The following CACHD1 variants were observed in gnomAD, a reference collection of about 807,000 sequenced individuals.
CACHD1 encodes VWFA and cache domain-containing protein 1.
A neutral mutation model predicts 138.7 loss-of-function variants in CACHD1; 71 were observed. The observed-to-expected ratio is 0.51, with a 90% confidence interval of 0.42 to 0.62. The LOEUF (loss-of-function observed/expected upper bound fraction) is 0.62, where lower values mean the gene tolerates loss of function less well. Among genes scored for constraint, CACHD1 ranks in the 20% least tolerant of loss-of-function variants. The pLI, the probability that CACHD1 is intolerant of heterozygous loss-of-function variation, is 0.00. For synonymous variants in CACHD1, 578 were observed against 591.5 expected (o/e 0.98, Z 0.33); for missense variants, 1,389 against 1,625.3 (o/e 0.85, Z 2.50).
chr1:64,662,402 C>G (rs756421791), intron 13 of CACHD1, among the ~76,000 whole-genome samples: 16 of 152,158 alleles, frequency 1.1e-4, no homozygotes, highest in Admixed American at 3.9e-4. Flanking sequence ...TCCAACACCC[C>G]ACCTGCTACA....
chr1:64,652,226 G>A lies in CACHD1; in HGVS notation c.1456G>A (p.Asp486Asn), dbSNP rs777839618. The A allele has an allele frequency of 2.5e-6, 4 of 1,613,744 alleles. No homozygotes were observed. The highest frequency in any genetic ancestry group is 2.5e-6 in the Non-Finnish European group (3 of 1,179,726). ...GNLLLGIVGV[D>N]VNLAYILEDV... ...CCTACTTCTGGGAATTGTAGGTGTG[G>A]ACGTGAATCTGGCTTACATTCTTGA... Residue 486 changes from aspartate to asparagine, a missense_variant, in exon 10 of 27, where the codon GAC becomes AAC. By Grantham distance (23) the Asp-to-Asn change is conservative (BLOSUM62 1). Coordinates refer to ENST00000651257, the MANE Select transcript of CACHD1 (RefSeq NM_020925.4).
At chr1:64,630,318 C>G (rs1374131046) in intron 5 of CACHD1, among the ~76,000 whole-genome samples, 4 of 145,238 alleles carry the variant, frequency 2.8e-5, no homozygotes, top group Non-Finnish European at 6.0e-5. Flanking sequence ...TTTTTTTTTC[C>G]TGAGATGGAG....
At chr1:64,623,217 C>T (rs1002782698) in intron 4 of CACHD1, among the ~76,000 whole-genome samples, 3 of 152,078 alleles carry the variant, frequency 2.0e-5, no homozygotes, top group African/African-American at 7.2e-5. Flanking sequence ...GCCTGGCCAA[C>T]ATGGTGAAAC....
At chr1:64,673,100 G>C (rs12069218) in intron 17 of CACHD1, 58 bp from the exon 18 acceptor site, 2 of 1,299,292 alleles carry the variant, frequency 1.5e-6, no homozygotes, top group Non-Finnish European at 2.2e-6. Flanking sequence ...CTCTGAATAC[G>C]TTTGAAAAAA....
intron 1 of CACHD1, among the ~76,000 whole-genome samples, chr1:64,524,037 A>G (rs1458102512): frequency 6.6e-6 from 1 of 152,130 alleles, no homozygotes; most frequent in Non-Finnish European, 1.5e-5. Context: ...ACAAAAAAAA[A>G]AGAGACACCA....
chr1:64,681,541 G>GTTTTTTTTTTTTTTTTTTTTTTTTTTTTT (rs57993424), intron 25 of CACHD1, among the ~76,000 whole-genome samples: 1 of 68,132 alleles, frequency 1.5e-5, no homozygotes, highest in African/African-American at 7.3e-5. Flanking sequence ...ATTTTATTGT[G>GTTTTTTTTTTTTTTTTTTTTTTTTTTTTT]TTTTTTTTTT....
intron 2 of CACHD1, among the ~76,000 whole-genome samples, chr1:64,565,517 TC>T (rs1236585827): frequency 5.9e-5 from 9 of 152,258 alleles, no homozygotes; most frequent in African/African-American, 2.2e-4. Flanking sequence ...TCAATCTCTG[TC>T]CGTCTTAGCT....
At chr1:64,540,405 CT>C (rs1487224292) in intron 1 of CACHD1, among the ~76,000 whole-genome samples, 1 of 152,116 alleles carries the variant, frequency 6.6e-6, no homozygotes, top group East Asian at 1.9e-4. Context: ...GGCAACTCGA[CT>C]TTCCATTTCT....
At chr1:64,643,735 A>G (rs752541472) in intron 8 of CACHD1, among the ~76,000 whole-genome samples, 17 of 152,236 alleles carry the variant, frequency 1.1e-4, no homozygotes, top group African/African-American at 2.2e-4. Flanking sequence ...CTACTCGGGA[A>G]GCTGAGGCAG....
intron 1 of CACHD1, among the ~76,000 whole-genome samples, chr1:64,474,076 A>C (rs1240499023): frequency 1.3e-5 from 2 of 152,214 alleles, no homozygotes; most frequent in Non-Finnish European, 2.9e-5. Flanking sequence ...ATAATGGACA[A>C]AATATATTTT....
intron 4 of CACHD1, among the ~76,000 whole-genome samples, chr1:64,619,093 G>A (rs1647817922): frequency 6.6e-6 from 1 of 152,146 alleles, no homozygotes; most frequent in African/African-American, 2.4e-5. Flanking sequence ...AGGAGTTTGG[G>A]GGACATGGTT....
At chr1:64,482,252 T>A (rs1470713364) in intron 1 of CACHD1, among the ~76,000 whole-genome samples, 8 of 152,334 alleles carry the variant, frequency 5.3e-5, no homozygotes, top group Non-Finnish European at 8.8e-5. Flanking sequence ...CATGGGATTT[T>A]TTTTTTCCCC....
intron 9 of CACHD1, among the ~76,000 whole-genome samples, chr1:64,650,515 T>A (rs1292008469): frequency 6.6e-6 from 1 of 152,234 alleles, no homozygotes; most frequent in Admixed American, 6.5e-5. Context: ...ATTCTAAATG[T>A]GAACTGCTTA....
At chr1:64,669,021 T>G (rs12039471) in intron 16 of CACHD1, among the ~76,000 whole-genome samples, 31,092 of 152,086 alleles carry the variant, frequency 0.2, 5,106 homozygotes, top group East Asian at 0.71. Context: ...CCTTTTCACC[T>G]TTGTTTCCCC....
rs562962249 is a variant in CACHD1, at chr1:64,471,201, C to T, written c.198+259C>T. 2.0e-5 allele frequency among the ~76,000 whole-genome samples: 3 copies of T among 152,320 alleles called. No individual in the cohort carries two copies. The East Asian group carries it at 5.8e-4, about 29-fold the overall frequency. ...GGAACCCACTTGACCCTGCACAGCC[C>T]CCCTCTTCTGAGTACCAGCGCCTTC... is the stretch of plus-strand genomic sequence containing the variant. On this transcript the variant is annotated intron_variant, in intron 1 of 26. Coordinates refer to ENST00000651257, the MANE Select transcript of CACHD1 (RefSeq NM_020925.4).
chr1:64,612,339 G>A (rs539527177), intron 4 of CACHD1, among the ~76,000 whole-genome samples: 4 of 152,186 alleles, frequency 2.6e-5, no homozygotes, highest in African/African-American at 9.6e-5. Flanking sequence ...CTATCATACT[G>A]TGAGATCACA....
chr1:64,627,592 C>G (rs186358222), intron 4 of CACHD1, among the ~76,000 whole-genome samples: 35 of 152,100 alleles, frequency 2.3e-4, no homozygotes, highest in Non-Finnish European at 4.0e-4. Flanking sequence ...CCTGAGTTCA[C>G]AGGGAACCAT....
chr1:64,519,740 CT>C (rs1290772766), intron 1 of CACHD1, among the ~76,000 whole-genome samples: 4 of 152,218 alleles, frequency 2.6e-5, no homozygotes, highest in African/African-American at 9.7e-5. Flanking sequence ...GAGTTTTTTT[CT>C]TTTAAAAAAT....
At chr1:64,621,167 C>G (rs1012630611) in intron 4 of CACHD1, among the ~76,000 whole-genome samples, 4 of 152,170 alleles carry the variant, frequency 2.6e-5, no homozygotes, top group African/African-American at 9.6e-5. Flanking sequence ...GAAAACACTT[C>G]CTCTTGCCCT....
Sources: gnomAD v4.1 joint callset for allele counts (sites outside exome capture counted in the v4.1 genomes callset) on GRCh38, gnomAD v4.1.1 for gene constraint, MANE v1.5 for transcripts, NCBI Gene and HGNC (gene_info 2026-07-23, HGNC 2026-07-21) for gene names.